The following AHDC1 variants were observed in gnomAD, a reference collection of about 807,000 sequenced individuals.
AHDC1 encodes transcription factor Gibbin.
Under a neutral mutation model 87.9 loss-of-function variants are expected in AHDC1, and 7 were observed. The observed-to-expected ratio is 0.08, with a 90% CI of 0.05 to 0.15. The LOEUF (loss-of-function observed/expected upper bound fraction) is 0.15, where lower values mean the gene tolerates loss of function less well. AHDC1 is among the 10% of genes least tolerant of loss of function. The probability of loss-of-function intolerance (pLI) is 1.00; values close to 1 mark genes in which losing one functional copy is unlikely to be tolerated. For synonymous variants in AHDC1, 1,051 were observed against 1,006.8 expected, an observed-to-expected ratio of 1.04 and a Z score of -0.83; for missense variants, 1,841 against 2,253.2, an observed-to-expected ratio of 0.82 and a Z score of 3.70.
rs1273493476 is a variant in AHDC1 at position 27,563,212 on chromosome 1, TG to T, written c.-628-4330del. Among the ~76,000 whole-genome samples, 6 of 140,218 alleles carry T rather than the reference TG, an allele frequency of 4.3e-5. No individual in the cohort carries two copies. The highest frequency in any genetic ancestry group is 3.6e-3 in the Middle Eastern group (1 of 280). 92.0% of individuals were successfully genotyped at this position (140,218 alleles called of 152,430 possible). ...CACACATGCACACACACACAGAACC[TG>T]TCACACAGCTGACCAAGACACACAC... On this transcript the variant is annotated intron_variant, in intron 3 of 8. Coordinates refer to ENST00000673934, the MANE Select transcript of AHDC1 (RefSeq NM_001371928.1). This position sits in a 1 kb window ranked among gnomAD's most constrained non-coding sequence, Gnocchi z 6.1.
rs2020110875 is a variant in AHDC1 at position 27,562,049 on chromosome 1, C to A, written c.-628-3166G>T. Among the ~76,000 whole-genome samples the A allele has an allele frequency of 6.6e-6, 1 of 151,938 alleles. No individual in the cohort carries two copies. Among genetic ancestry groups the A allele is most frequent in the African/African-American group, 2.4e-5 (1 of 41,332 alleles). On this transcript the variant is annotated intron_variant, in intron 3 of 8. Coordinates refer to ENST00000673934, the MANE Select transcript of AHDC1 (RefSeq NM_001371928.1). The surrounding 1 kb of genome is among the most constrained non-coding windows in gnomAD (Gnocchi z 4.4). Reference sequence around the variant, plus strand: ...GCGAGCCAGGCAGAGATGGGAAAGGCAGGAGAGAGCAGGGACCAGGGGTTT... The same window carrying A: ...GCGAGCCAGGCAGAGATGGGAAAGGAAGGAGAGAGCAGGGACCAGGGGTTT...
rs928686039 is a variant in AHDC1, at chr1:27,577,747, G to A, written c.-628-18864C>T. Among the ~76,000 whole-genome samples, 4 of 152,312 alleles carry A rather than the reference G, an allele frequency of 2.6e-5. No individual in the cohort carries two copies. The East Asian group carries it at 5.8e-4, about 22-fold the overall frequency. On this transcript the variant is annotated intron_variant, in intron 3 of 8. Transcript: ENST00000673934. ...AGGGGTGGAGCTCCTGCTCTCTCAAGGGTCCAGCTGCCACCCTGCTCCCCT... is the reference window on the plus strand; with the variant it reads ...AGGGGTGGAGCTCCTGCTCTCTCAAAGGTCCAGCTGCCACCCTGCTCCCCT...
chr1:27,592,579 C>G (rs529331397), intron 3 of AHDC1, among the ~76,000 whole-genome samples: 27 of 152,094 alleles, frequency 1.8e-4, no homozygotes, highest in African/African-American at 3.4e-4. Context: ...CGCCCTCCCC[C>G]CCCCAGGCCC....
At position 27,599,877 on chromosome 1, in the gene AHDC1, C is replaced by A. The variant is rs184548497; in HGVS notation, c.-629+3520G>T. 5.9e-5 allele frequency among the ~76,000 whole-genome samples: 9 copies of A among 152,082 alleles called. No homozygotes were observed. The East Asian group carries it at 1.2e-3, about 20-fold the overall frequency. On this transcript the variant is annotated intron_variant, in intron 3 of 8. Transcript: ENST00000673934. ...CCTGGAATCTGTCTCCCCATTCTCC[C>A]TCCTCCTGTGAGAGTCTCTCTCTCT...
chr1:27,568,587 A>AG (rs2148383640), intron 3 of AHDC1, among the ~76,000 whole-genome samples: 1 of 151,988 alleles, frequency 6.6e-6, no homozygotes, highest in South Asian at 2.1e-4. Flanking sequence ...GGTGCCCGCG[A>AG]GGGGGCGGGC....
rs945784379 is a variant in AHDC1, at chr1:27,551,445, C to A, written c.671G>T (p.Gly224Val). 2 of 1,612,354 alleles carry A rather than the reference C, an allele frequency of 1.2e-6. No individual in the cohort carries two copies. The highest frequency in any genetic ancestry group is 4.5e-5 in the East Asian group (2 of 44,866). Residue 224 changes from glycine (G) to valine (V), a missense_variant, in exon 8 of 9, where the codon GGT (glycine) becomes GTT (valine). Transcript: ENST00000673934. ...HSPGATAAAT[G>V]LPPEPEPDST... The stretch of plus-strand genomic sequence containing the variant: ...GTCTGGCTCAGGCTCTGGGGGCAGA[C>A]CCGTGGCCGCAGCCGTGGCTCCGGG...
chr1:27,556,754 G>A (rs1479307130), intron 5 of AHDC1, among the ~76,000 whole-genome samples: 3 of 152,156 alleles, frequency 2.0e-5, no homozygotes, highest in South Asian at 4.1e-4. Flanking sequence ...AACTTCTTTG[G>A]TGTCCAGAGA....
Position 27,549,567 on chromosome 1 carries a change from G to T in AHDC1, c.2549C>A (p.Ser850Tyr). Residue 850 changes from serine (S) to tyrosine (Y), a missense_variant, in exon 8 of 9, where the codon TCC becomes TAC. This residue lies in a region of AHDC1 where 378 missense variants were observed against 399.0 expected (regional missense o/e 0.95). Coordinates refer to ENST00000673934, the MANE Select transcript of AHDC1 (RefSeq NM_001371928.1). ...FRSLLDSDDS[S>Y]DLLDFALSAS... ...TGAGAGGGCAAAGTCCAAGAGATCG[G>T]AGGAGTCATCCGAATCGAGCAGCGA... The T allele has an allele frequency of 1.2e-6, 2 of 1,613,226 alleles. No homozygotes were observed. Among genetic ancestry groups the T allele is most frequent in the Non-Finnish European group, 1.7e-6 (2 of 1,180,016 alleles).
chr1:27,602,865 C>T (rs1019261528), intron 3 of AHDC1, among the ~76,000 whole-genome samples: 11 of 151,784 alleles, frequency 7.2e-5, no homozygotes, highest in Non-Finnish European at 1.5e-4. Flanking sequence ...CCCCGAGAGC[C>T]AGTGGATCCT....
chr1:27,549,223 T>C lies in AHDC1; in HGVS notation c.2893A>G (p.Asn965Asp). 6.2e-7 allele frequency: 1 copy of C among 1,603,624 alleles called. No individual in the cohort carries two copies. The highest frequency in any genetic ancestry group is 1.1e-5 in the South Asian group (1 of 90,288). ...CCGCCGTACTGGGGCAGGTAGGTGT[T>C]GGCAGGCGGGTGGGTGGTAGGTGAG... The part of the protein sequence containing the change: ...ARSPTTHPPA[N>D]TYLPQYGGYG... Residue 965 changes from asparagine (N) to aspartate (D), a missense_variant, in exon 8 of 9, where the codon AAC (asparagine) becomes GAC (aspartate). Coordinates refer to ENST00000673934, the MANE Select transcript of AHDC1 (RefSeq NM_001371928.1).
intron 8 of AHDC1, among the ~76,000 whole-genome samples, chr1:27,544,116 C>T (rs1260204317): frequency 6.6e-6 from 1 of 152,022 alleles, no homozygotes; most frequent in African/African-American, 2.4e-5. Context: ...ATCCCCTGGG[C>T]AAGGTTCAGA....
At position 27,561,081 on chromosome 1, in the gene AHDC1, C is replaced by T. The variant is rs1194300904; in HGVS notation, c.-628-2198G>A. The stretch of plus-strand genomic sequence containing the variant: ...CAGAGCCTCCCTCCTCTGATCTGTC[C>T]CCCCTTTCCCTGTGGTTGGGTGGGC... On this transcript the variant is annotated intron_variant, in intron 3 of 8. Coordinates refer to ENST00000673934, the MANE Select transcript of AHDC1 (RefSeq NM_001371928.1). This position sits in a 1 kb window ranked among gnomAD's most constrained non-coding sequence, Gnocchi z 4.2. Among the ~76,000 whole-genome samples, 3 of 152,192 alleles carry T rather than the reference C, an allele frequency of 2.0e-5. No homozygotes were observed. Among genetic ancestry groups the T allele is most frequent in the Non-Finnish European group, 2.9e-5 (2 of 68,030 alleles).
At chr1:27,545,680 C>T (rs1410075486) in intron 8 of AHDC1, among the ~76,000 whole-genome samples, 6 of 146,904 alleles carry the variant, frequency 4.1e-5, no homozygotes, top group Non-Finnish European at 7.4e-5. Flanking sequence ...TGCAATGAGA[C>T]GCATGGGGAA....
intron 3 of AHDC1, among the ~76,000 whole-genome samples, chr1:27,599,200 G>A (rs1312474495): frequency 6.6e-6 from 1 of 152,172 alleles, no homozygotes; most frequent in Non-Finnish European, 1.5e-5. Flanking sequence ...GCCAGGGCCA[G>A]GGCCAGGGGC....
intron 3 of AHDC1, among the ~76,000 whole-genome samples, chr1:27,585,009 C>A (rs1239040099): frequency 6.6e-6 from 1 of 151,980 alleles, no homozygotes; most frequent in African/African-American, 2.4e-5. Context: ...CCTGTCTCTA[C>A]TAAAAATACA....
In AHDC1 at chr1:27,534,581, A is replaced by G. The variant is rs889203491; in HGVS notation, c.*379T>C. The G allele has an allele frequency of 2.0e-5, 3 of 151,908 alleles. No individual in the cohort carries two copies. The highest frequency in any genetic ancestry group is 7.3e-5 in the African/African-American group (3 of 41,256). 9.4% of individuals were successfully genotyped at this position (151,908 alleles called of 1,614,324 possible). The stretch of plus-strand genomic sequence containing the variant: ...GACCTGTAGATAAATTTCTCAGTGC[A>G]TACTTGCAGGGGCTCTGGACACCTC... On this transcript the variant is annotated 3_prime_UTR_variant, in exon 9 of 9. Transcript: ENST00000673934.
intron 3 of AHDC1, among the ~76,000 whole-genome samples, chr1:27,602,374 C>A (rs2089553227): frequency 6.6e-6 from 1 of 152,186 alleles, no homozygotes; most frequent in Non-Finnish European, 1.5e-5. Flanking sequence ...CTGGCCCCTT[C>A]GCCTGGCAGG....
chr1:27,582,826 G>A (rs1333355244), intron 3 of AHDC1, among the ~76,000 whole-genome samples: 1 of 152,222 alleles, frequency 6.6e-6, no homozygotes, highest in African/African-American at 2.4e-5. Flanking sequence ...CTGTTCACAT[G>A]GTGGGACACA....
intron 3 of AHDC1, among the ~76,000 whole-genome samples, chr1:27,567,436 G>A (rs868395992): frequency 1.1e-4 from 16 of 152,300 alleles, no homozygotes; most frequent in Middle Eastern, 6.8e-3. Flanking sequence ...GTGTTGTCAA[G>A]CGAGATGTCA....
Sources: allele counts gnomAD v4.1 joint callset (sites outside exome capture counted in the v4.1 genomes callset), GRCh38; gene constraint gnomAD v4.1.1; regional missense constraint gnomAD v4.1.1; non-coding constraint Gnocchi (gnomAD v3.1); transcripts MANE v1.5; gene names NCBI Gene and HGNC (gene_info 2026-07-23, HGNC 2026-07-21).